Variants in ANKRD18B observed in about 807,000 individuals in gnomAD.
ANKRD18B encodes ankyrin repeat domain 18B, also known as ankyrin repeat domain-containing protein 18B.
Under a neutral mutation model 111.8 loss-of-function variants are expected in ANKRD18B, and 75 were observed. The observed-to-expected ratio is 0.67, with a 90% CI of 0.56 to 0.81. The LOEUF is 0.81. Ranked by LOEUF, ANKRD18B falls within the 40% of genes least tolerant of loss-of-function variation. The probability of loss-of-function intolerance (pLI) is 0.00; values close to 1 mark genes in which losing one functional copy is unlikely to be tolerated. For synonymous variants in ANKRD18B, 356 were observed against 417.3 expected (o/e 0.85, Z 1.79); for missense variants, 1,038 against 1,225.5 (o/e 0.85, Z 2.28).
chr9:33,574,395 C>T (rs189613303), downstream of ANKRD18B: 163 of 154,532 alleles, frequency 1.1e-3, no homozygotes, highest in Non-Finnish European at 5.0e-4. Flanking sequence ...GTCTCCTTGC[C>T]TCCATCTGTA....
At position 33,524,646 on chromosome 9, in the gene ANKRD18B, T is replaced by C. The variant is rs1827999205; in HGVS notation, c.157T>C (p.Cys53Arg). ...GGGCGACGCCGCAGAGGTGGAGCAC[T>C]GCCTGACGCGCAGGTTCCGGGACTT... ...IKGDAAEVEH[C>R]LTRRFRDLDV... Residue 53 changes from cysteine to arginine, a missense_variant, in exon 1 of 19, where the codon TGC becomes CGC. Physicochemically the swap from Cys to Arg is radical, Grantham distance 180. Transcript: ENST00000684830. The C allele has an allele frequency of 6.4e-7, 1 of 1,551,442 alleles. No homozygotes were observed. Among genetic ancestry groups the C allele is most frequent in the East Asian group, 2.4e-5 (1 of 40,932 alleles).
At chr9:33,532,448 A>T (rs958496642) in intron 3 of ANKRD18B, among the ~76,000 whole-genome samples, 5 of 152,202 alleles carry the variant, frequency 3.3e-5, no homozygotes, top group African/African-American at 1.2e-4. Context: ...ATGTCCCAGG[A>T]TTATCATTAT....
chr9:33,550,448 C>T lies in ANKRD18B; in HGVS notation c.2086C>T (p.Gln696Ter), dbSNP rs1563904624. The T allele has an allele frequency of 1.3e-6, 2 of 1,540,128 alleles. No individual in the cohort carries two copies. Among genetic ancestry groups the T allele is most frequent in the Non-Finnish European group, 1.7e-6 (2 of 1,142,918 alleles). Reference sequence around the variant, plus strand: ...TTGTCAGGTGATTGTGAGAGAATTTCAAGAAGAACTGGTCGATCATCTTAA... The same window carrying T: ...TTGTCAGGTGATTGTGAGAGAATTTTAAGAAGAACTGGTCGATCATCTTAA... ...AEREVIVREFQEELVDHLKKF... is the reference protein window; with the variant it reads ...AEREVIVREF Residue 696 changes from glutamine (Q) to a stop codon, truncating the protein, a stop_gained, in exon 12 of 19, where the codon CAA becomes TAA. Coordinates refer to ENST00000684830, the MANE Select transcript of ANKRD18B (RefSeq NM_001393611.1). LOFTEE classifies it high-confidence loss of function.
At chr9:33,554,806 T>C (rs1328534280) in intron 12 of ANKRD18B, among the ~76,000 whole-genome samples, 2 of 152,078 alleles carry the variant, frequency 1.3e-5, no homozygotes, top group Middle Eastern at 3.2e-3. Context: ...GACTTTTATA[T>C]ACACTTCAAA....
chr9:33,529,253 C>T, intron 3 of ANKRD18B, 80 bp downstream of exon 3: 1 of 1,459,262 alleles, frequency 6.9e-7, no homozygotes, highest in Non-Finnish European at 9.1e-7. Flanking sequence ...ATATTTGGAA[C>T]TCAAGTATTC....
Position 33,572,520 on chromosome 9 carries a change from A to C in ANKRD18B, c.*86A>C, listed in dbSNP as rs1225977687. On this transcript the variant is annotated 3_prime_UTR_variant, in exon 19 of 19. Coordinates refer to ENST00000684830, the MANE Select transcript of ANKRD18B (RefSeq NM_001393611.1). ...TATAAAACATCACAATCTTTACTAA[A>C]GTAGAATATTTTCATATCATATGAT... 7.3e-7 allele frequency: 1 copy of C among 1,375,320 alleles called. No homozygotes were observed. 85.2% of individuals were successfully genotyped at this position (1,375,320 alleles called of 1,614,324 possible). A position where few individuals can be genotyped will look rare whatever the true frequency, so the allele number is the denominator to read the frequency against.
intron 14 of ANKRD18B, among the ~76,000 whole-genome samples, chr9:33,560,336 A>G (rs1427766939): frequency 2.0e-5 from 3 of 152,240 alleles, no homozygotes; most frequent in African/African-American, 7.2e-5. Context: ...CCTCTGCATA[A>G]GGCATGAATT....
intron 1 of ANKRD18B, 67 bp downstream of exon 1, chr9:33,524,762 G>T (rs1448272912): frequency 6.9e-5 from 104 of 1,499,180 alleles, no homozygotes; most frequent in Non-Finnish European, 1.6e-5. Flanking sequence ...CGCCTGAGGC[G>T]GGGTCGTCGG....
intron 13 of ANKRD18B, among the ~76,000 whole-genome samples, chr9:33,557,013 G>C (rs1038139784): frequency 7.2e-5 from 11 of 152,026 alleles, no homozygotes; most frequent in Admixed American, 6.5e-4. Flanking sequence ...TTGAAGCCCT[G>C]AACACAGCTA....
chr9:33,563,177 C>G (rs1466740005), intron 14 of ANKRD18B, among the ~76,000 whole-genome samples: 1 of 152,178 alleles, frequency 6.6e-6, no homozygotes, highest in Non-Finnish European at 1.5e-5. Flanking sequence ...TTAAAGGAGA[C>G]TCTTTTCTGC....
At chr9:33,547,789 C>T in intron 10 of ANKRD18B, 149 bp from the exon 11 acceptor site, 1 of 538,788 alleles carries the variant, frequency 1.9e-6, no homozygotes, top group South Asian at 4.4e-5. Flanking sequence ...CTCTAAGGTT[C>T]AAGGTTTTGC....
chr9:33,542,369 C>A (rs1193878736), intron 9 of ANKRD18B, among the ~76,000 whole-genome samples: 2 of 121,240 alleles, frequency 1.6e-5, no homozygotes, highest in African/African-American at 5.4e-5. Flanking sequence ...AATTTTGAGC[C>A]TTTTTTCCTT....
In ANKRD18B at chr9:33,541,224, A is replaced by G. The variant is rs1277019200; in HGVS notation, c.1075A>G (p.Lys359Glu). Residue 359 changes from lysine to glutamate, a missense_variant, in exon 9 of 19, where the codon AAA (lysine) becomes GAA (glutamate). Physicochemically the swap from Lys to Glu is moderately conservative, Grantham distance 56. This residue lies in a region of ANKRD18B where 205 missense variants were observed against 201.3 expected (regional missense o/e 1.02). Coordinates refer to ENST00000684830, the MANE Select transcript of ANKRD18B (RefSeq NM_001393611.1). ...KKLKKRKEGAKEHNLKVASEE... is the reference protein window; with the variant it reads ...KKLKKRKEGAEEHNLKVASEE... ...ATTGAAAAAAAGAAAAGAAGGTGCA[A>G]AAGGTAAGACACTTGAGTATCTCTA... is the stretch of plus-strand genomic sequence containing the variant. 4 of 1,545,638 alleles carry G rather than the reference A, an allele frequency of 2.6e-6. No individual in the cohort carries two copies. The highest frequency in any genetic ancestry group is 3.5e-6 in the Non-Finnish European group (4 of 1,145,722).
intron 10 of ANKRD18B, among the ~76,000 whole-genome samples, chr9:33,545,986 C>G (rs1278183032): frequency 6.6e-6 from 1 of 152,136 alleles, no homozygotes; most frequent in Non-Finnish European, 1.5e-5. Context: ...CAACCTAAGT[C>G]TCACTGTGAG....
chr9:33,544,563 C>T (rs988939003), intron 10 of ANKRD18B, among the ~76,000 whole-genome samples: 4 of 152,092 alleles, frequency 2.6e-5, no homozygotes, highest in African/African-American at 4.8e-5. Flanking sequence ...CAATTCTGGG[C>T]GTGGTGGCTC....
At chr9:33,542,047 C>T (rs1262469193) in intron 9 of ANKRD18B, among the ~76,000 whole-genome samples, 3 of 151,850 alleles carry the variant, frequency 2.0e-5, no homozygotes, top group African/African-American at 7.3e-5. Flanking sequence ...TGGTGAATCT[C>T]ACTGTCTAAG....
intron 14 of ANKRD18B, among the ~76,000 whole-genome samples, chr9:33,565,709 G>A (rs1158415045): frequency 2.6e-5 from 4 of 152,090 alleles, no homozygotes; most frequent in Non-Finnish European, 5.9e-5. Flanking sequence ...CTGGCCTCCA[G>A]TGATCTTTCT....
intron 1 of ANKRD18B, among the ~76,000 whole-genome samples, chr9:33,526,748 C>G (rs1828030558): frequency 2.6e-5 from 4 of 151,976 alleles, no homozygotes; most frequent in Admixed American, 2.6e-4. Context: ...TATGTATATA[C>G]TTTATTATGT....
chr9:33,574,557 CCCT>C (rs1828833137), downstream of ANKRD18B: 1 of 152,242 alleles, frequency 6.6e-6, no homozygotes. Flanking sequence ...TGCTCGGCGC[CCCT>C]CCTCTGTCTG....
Sources: allele counts gnomAD v4.1 joint callset (sites outside exome capture counted in the v4.1 genomes callset), GRCh38; gene constraint gnomAD v4.1.1; regional missense constraint gnomAD v4.1.1; transcripts MANE v1.5; gene names NCBI Gene and HGNC (gene_info 2026-07-23, HGNC 2026-07-21).